DPP6: variants seen among roughly 807,000 people sequenced by gnomAD.
DPP6 encodes the protein A-type potassium channel modulatory protein DPP6.
A neutral mutation model predicts 122.6 loss-of-function variants in DPP6; 69 were observed. The ratio of observed to expected loss-of-function variants is 0.56; its 90% CI spans 0.46 to 0.69. DPP6 has a LOEUF of 0.69. Among genes scored for constraint, DPP6 ranks in the 30% least tolerant of loss-of-function variants. The pLI is 0.00. For synonymous variants in DPP6, 418 were observed against 433.1 expected, an observed-to-expected ratio of 0.97 and a Z score of 0.43; for missense variants, 928 against 1,116.9, an observed-to-expected ratio of 0.83 and a Z score of 2.41.
At chr7:154,295,192 G>A (rs539254612) in intron 1 of DPP6, among the ~76,000 whole-genome samples, 10 of 152,350 alleles carry the variant, frequency 6.6e-5, no homozygotes, top group African/African-American at 2.4e-4. Context: ...CGCAGGGTTA[G>A]TATTGCATCT....
intron 3 of DPP6, among the ~76,000 whole-genome samples, chr7:154,529,303 C>A (rs1045243042): frequency 2.0e-5 from 3 of 152,150 alleles, no homozygotes; most frequent in Admixed American, 6.6e-5. Flanking sequence ...GGCAGGGAAT[C>A]AAGGCAGGTC....
At chr7:154,693,947 A>G (rs1470863415) in intron 7 of DPP6, among the ~76,000 whole-genome samples, 1 of 152,200 alleles carries the variant, frequency 6.6e-6, no homozygotes, top group Non-Finnish European at 1.5e-5. Flanking sequence ...AGATGTCTCC[A>G]TCTGTTATGT....
intron 10 of DPP6, among the ~76,000 whole-genome samples, chr7:154,781,613 A>G (rs531734959): frequency 6.6e-6 from 1 of 152,212 alleles, no homozygotes; most frequent in Non-Finnish European, 1.5e-5. Flanking sequence ...GTGGAACTGT[A>G]CACTTTAGTA....
chr7:154,882,073 C>T (rs1033549932), intron 21 of DPP6, among the ~76,000 whole-genome samples: 1 of 152,228 alleles, frequency 6.6e-6, no homozygotes, highest in East Asian at 1.9e-4. Context: ...GCCCCAAATG[C>T]ACATGGATGC....
At chr7:154,085,567 A>G (rs1272158080) in intron 1 of DPP6, among the ~76,000 whole-genome samples, 1 of 152,148 alleles carries the variant, frequency 6.6e-6, no homozygotes, top group Non-Finnish European at 1.5e-5. Context: ...TGTTTTCTGG[A>G]ACTGTGATGT....
chr7:154,080,837 T>C (rs1161112018), intron 1 of DPP6, among the ~76,000 whole-genome samples: 3 of 152,148 alleles, frequency 2.0e-5, no homozygotes, highest in Non-Finnish European at 2.9e-5. Flanking sequence ...AGGAACAGGC[T>C]AGGAGGTCTG....
At chr7:153,863,604 G>A in the DPP6 span, among the ~76,000 whole-genome samples, 138 of 152,238 alleles carry the variant, frequency 9.1e-4, no homozygotes, top group African/African-American at 2.9e-3. Context: ...TAAATACGAC[G>A]TGGAAATCAA....
chr7:154,499,757 C>T (rs556008792), intron 3 of DPP6, among the ~76,000 whole-genome samples: 3 of 152,126 alleles, frequency 2.0e-5, no homozygotes, highest in Non-Finnish European at 2.9e-5. Flanking sequence ...ACCAACCCCC[C>T]CAGATCCCAT....
At chr7:154,866,802 C>T (rs935052640) in intron 17 of DPP6, among the ~76,000 whole-genome samples, 6 of 152,118 alleles carry the variant, frequency 3.9e-5, no homozygotes, top group African/African-American at 1.2e-4. Flanking sequence ...TCGTCACAAG[C>T]GCTGGGAGCT....
chr7:154,703,459 AAAT>A (rs1279561461), intron 7 of DPP6, among the ~76,000 whole-genome samples: 1 of 152,066 alleles, frequency 6.6e-6, no homozygotes, highest in Non-Finnish European at 1.5e-5. Flanking sequence ...TCTCTACTAA[AAAT>A]ACAAAAATTA....
chr7:154,147,694 A>G (rs1360979943), intron 1 of DPP6, among the ~76,000 whole-genome samples: 1 of 151,686 alleles, frequency 6.6e-6, no homozygotes, highest in Non-Finnish European at 1.5e-5. Context: ...GTATATACAC[A>G]CACAAACACA....
chr7:154,170,534 C>T (rs74591224), intron 1 of DPP6, among the ~76,000 whole-genome samples: 4,139 of 152,296 alleles, frequency 0.027, 177 homozygotes, highest in African/African-American at 0.092. Flanking sequence ...CAGGGGCAGA[C>T]GTGCCCTTTG....
At chr7:154,883,504 A>G (rs1457003017) in intron 21 of DPP6, 1 of 148,202 alleles carries the variant, frequency 6.7e-6, no homozygotes, top group Admixed American at 6.7e-5. Flanking sequence ...GCTCAGACAC[A>G]TGCTCACCCA....
At chr7:154,461,983 C>T (rs1052175644) in intron 2 of DPP6, among the ~76,000 whole-genome samples, 1 of 151,964 alleles carries the variant, frequency 6.6e-6, no homozygotes, top group African/African-American at 2.4e-5. Context: ...TAAGTAGTTT[C>T]ATTGTTTGAG....
intron 16 of DPP6, among the ~76,000 whole-genome samples, chr7:154,811,053 T>TG (rs1195374681): frequency 2.6e-5 from 4 of 152,240 alleles, no homozygotes; most frequent in African/African-American, 9.6e-5. Flanking sequence ...TTTAGCCTGT[T>TG]GCCTCATCTT....
At chr7:154,565,621 G>T (rs544123594) in intron 4 of DPP6, among the ~76,000 whole-genome samples, 1 of 152,228 alleles carries the variant, frequency 6.6e-6, no homozygotes, top group East Asian at 1.9e-4. Context: ...TGCCGTCCAG[G>T]TTCAAGTGAT....
At chr7:153,822,379 CG>C in the DPP6 span, among the ~76,000 whole-genome samples, 5 of 151,836 alleles carry the variant, frequency 3.3e-5, no homozygotes, top group Non-Finnish European at 5.9e-5. Flanking sequence ...TTAGTAGAGA[CG>C]GGGTTTCACT....
chr7:154,343,958 C>T (rs531975869), intron 1 of DPP6, among the ~76,000 whole-genome samples: 6 of 152,300 alleles, frequency 3.9e-5, no homozygotes, highest in African/African-American at 7.2e-5. Flanking sequence ...TCAAGTGATC[C>T]GCCAGCCTCA....
At chr7:154,359,123 T>C (rs1047943055) in intron 1 of DPP6, among the ~76,000 whole-genome samples, 36 of 152,322 alleles carry the variant, frequency 2.4e-4, no homozygotes, top group African/African-American at 7.9e-4. Flanking sequence ...GAAGACAGCA[T>C]AGAAGGACAG....
Sources: allele counts gnomAD v4.1 joint callset (sites outside exome capture counted in the v4.1 genomes callset), GRCh38; gene constraint gnomAD v4.1.1; transcripts MANE v1.5; gene names NCBI Gene and HGNC (gene_info 2026-07-23, HGNC 2026-07-21).